ADAMTS16: variants seen among roughly 807,000 people sequenced by gnomAD.
The protein encoded by ADAMTS16 is ADAM metallopeptidase with thrombospondin type 1 motif 16, also known as A disintegrin and metalloproteinase with thrombospondin motifs 16.
ADAMTS16 carries 94 observed loss-of-function variants against 145.8 expected under a neutral mutation model. That is an observed-to-expected ratio of 0.64 (90% CI 0.55 to 0.77). ADAMTS16 has a LOEUF of 0.77. Ranked by LOEUF, ADAMTS16 falls within the 30% of genes least tolerant of loss-of-function variation. The pLI is 0.00. For synonymous variants in ADAMTS16, 659 were observed against 604.3 expected, an observed-to-expected ratio of 1.09 and a Z score of -1.33; for missense variants, 1,585 against 1,591.5, an observed-to-expected ratio of 1.00 and a Z score of 0.07.
chr5:5,167,842 C>T (rs1365598554), intron 3 of ADAMTS16, among the ~76,000 whole-genome samples: 6 of 152,172 alleles, frequency 3.9e-5, no homozygotes, highest in Non-Finnish European at 8.8e-5. Flanking sequence ...AAGGCCTAAA[C>T]GTTAAATTTT....
intron 9 of ADAMTS16, among the ~76,000 whole-genome samples, chr5:5,204,740 A>C (rs1411800358): frequency 6.6e-6 from 1 of 152,248 alleles, no homozygotes; most frequent in Admixed American, 6.5e-5. Flanking sequence ...CAGCACTGTG[A>C]ATATTCTCTT....
chr5:5,215,717 G>A (rs898410216), intron 10 of ADAMTS16, among the ~76,000 whole-genome samples: 3 of 133,942 alleles, frequency 2.2e-5, no homozygotes, highest in African/African-American at 5.8e-5. Context: ...TATATATGTG[G>A]TATATATATA....
At position 5,200,128 on chromosome 5, in the gene ADAMTS16, A is replaced by G; in HGVS notation, c.1314-4A>G. On this transcript the variant is annotated splice_polypyrimidine_tract_variant and splice_region_variant and intron_variant, in intron 8 of 22. Coordinates refer to ENST00000274181, the MANE Select transcript of ADAMTS16 (RefSeq NM_139056.4). Reference sequence around the variant, plus strand: ...AACCATCTCTCTCTCTCTCTCTCTCATAGCTTTGGCATGATTCATGATGGA... The same window carrying G: ...AACCATCTCTCTCTCTCTCTCTCTCGTAGCTTTGGCATGATTCATGATGGA... 2.5e-6 allele frequency: 4 copies of G among 1,577,060 alleles called. No homozygotes were observed. The highest frequency in any genetic ancestry group is 3.4e-6 in the Non-Finnish European group (4 of 1,162,856).
chr5:5,242,259 G>A (rs1737316554), intron 17 of ADAMTS16, 68 bp downstream of exon 17: 5 of 1,571,798 alleles, frequency 3.2e-6, no homozygotes, highest in East Asian at 2.3e-5. Flanking sequence ...ACATTGCACT[G>A]GCCTTTCTTG....
intron 2 of ADAMTS16, 25 bp downstream of exon 2, chr5:5,140,791 T>C (rs1339578075): frequency 7.2e-6 from 11 of 1,528,234 alleles, no homozygotes; most frequent in African/African-American, 2.8e-5. Context: ...TGGGGGCTTC[T>C]AATCCTTGCC....
chr5:5,222,784 T>G lies in ADAMTS16; in HGVS notation c.1606-5T>G. 1 of 1,613,268 alleles carries G rather than the reference T, an allele frequency of 6.2e-7. No homozygotes were observed. ...TCCTAATGACCTTTTACAAAATTTC[T>G]TTAGGACATCTGTAAAGCCCTGTGG... On this transcript the variant is annotated splice_polypyrimidine_tract_variant and splice_region_variant and intron_variant, in intron 10 of 22. Transcript: ENST00000274181.
chr5:5,170,012 T>C (rs1320404988), intron 3 of ADAMTS16, among the ~76,000 whole-genome samples: 1 of 152,258 alleles, frequency 6.6e-6, no homozygotes, highest in Non-Finnish European at 1.5e-5. Context: ...AGTGCTATAA[T>C]AAACATGGGA....
At chr5:5,151,791 T>C (rs1001180849) in intron 3 of ADAMTS16, among the ~76,000 whole-genome samples, 4 of 152,062 alleles carry the variant, frequency 2.6e-5, no homozygotes, top group African/African-American at 9.6e-5. Context: ...TACAATACAG[T>C]ATTATTAAGT....
intron 21 of ADAMTS16, 104 bp downstream of exon 21, chr5:5,306,832 TGGCCAAGCTACTGCATGA>T: frequency 8.5e-7 from 1 of 1,175,934 alleles, no homozygotes. Flanking sequence ...TCCCCAAAGC[TGGCCAAGCTACTGCATGA>T]GGTTTTCTTT....
intron 3 of ADAMTS16, among the ~76,000 whole-genome samples, chr5:5,166,010 G>A (rs1294155152): frequency 6.6e-6 from 1 of 152,144 alleles, no homozygotes; most frequent in Admixed American, 6.6e-5. Context: ...ACAGAGTCCT[G>A]CACCCACTTT....
At chr5:5,168,333 C>T (rs971840267) in intron 3 of ADAMTS16, among the ~76,000 whole-genome samples, 12 of 144,510 alleles carry the variant, frequency 8.3e-5, no homozygotes, top group East Asian at 6.0e-4. Context: ...TACTCTTTTA[C>T]GTCTTTATTT....
chr5:5,184,624 C>T (rs1409138301), intron 4 of ADAMTS16, among the ~76,000 whole-genome samples: 2 of 152,104 alleles, frequency 1.3e-5, no homozygotes, highest in East Asian at 3.9e-4. Context: ...TTGCTGAAAA[C>T]CAATAGTGAG....
chr5:5,316,249 G>C (rs1236996330), intron 21 of ADAMTS16, among the ~76,000 whole-genome samples: 1 of 152,190 alleles, frequency 6.6e-6, no homozygotes, highest in Non-Finnish European at 1.5e-5. Context: ...GCAGCAAAGG[G>C]AGTCATGCAT....
At chr5:5,239,999 T>A in intron 16 of ADAMTS16, 74 bp downstream of exon 16, 37 of 1,559,298 alleles carry the variant, frequency 2.4e-5, no homozygotes, top group Non-Finnish European at 2.9e-5. Context: ...TAATGGCTGT[T>A]GGCATAATTT....
chr5:5,291,987 G>A (rs931980898), intron 18 of ADAMTS16, among the ~76,000 whole-genome samples: 1 of 152,188 alleles, frequency 6.6e-6, no homozygotes, highest in African/African-American at 2.4e-5. Context: ...TCAGTCCTGT[G>A]AGTTTCACAG....
In ADAMTS16 at chr5:5,193,138, AGT is replaced by A. The variant is rs146798284; in HGVS notation, c.1313+1372_1313+1373del. ...CTGAGGCCTCAGACTTGTTCAAAGC[AGT>A]GTGTGTGTGTGTGTGTGTGTGTGCG... On this transcript the variant is annotated intron_variant, in intron 8 of 22. Transcript: ENST00000274181. 1.7e-3 allele frequency among the ~76,000 whole-genome samples: 253 copies of A among 150,674 alleles called. 1 individual carries two copies. The highest frequency in any genetic ancestry group is 3.3e-3 in the African/African-American group (133 of 40,800).
chr5:5,205,283 A>C (rs537042199), intron 9 of ADAMTS16, among the ~76,000 whole-genome samples: 1 of 151,290 alleles, frequency 6.6e-6, no homozygotes, highest in African/African-American at 2.4e-5. Flanking sequence ...ATGTGTCTTT[A>C]GGGTTGGTGC....
At chr5:5,229,479 T>C (rs758995262) in intron 11 of ADAMTS16, among the ~76,000 whole-genome samples, 11 of 152,138 alleles carry the variant, frequency 7.2e-5, no homozygotes, top group Non-Finnish European at 1.6e-4. Context: ...ACTGCTGGCG[T>C]GTATACCCTT....
In ADAMTS16 at chr5:5,191,675, T is replaced by C; in HGVS notation, c.1208-10T>C. ...CCGCTATGTGTTCTTTTGATCTTTG[T>C]CCTTCACAGGATTTGCACCCATAAG... On this transcript the variant is annotated splice_polypyrimidine_tract_variant and intron_variant, in intron 7 of 22. Transcript: ENST00000274181. 1 of 1,604,128 alleles carries C rather than the reference T, an allele frequency of 6.2e-7. No individual in the cohort carries two copies. Among genetic ancestry groups the C allele is most frequent in the Non-Finnish European group, 8.5e-7 (1 of 1,171,550 alleles).
Sources: allele counts gnomAD v4.1 joint callset (sites outside exome capture counted in the v4.1 genomes callset), GRCh38; gene constraint gnomAD v4.1.1; transcripts MANE v1.5; gene names NCBI Gene and HGNC (gene_info 2026-07-23, HGNC 2026-07-21).